Variants in TRAPPC9 observed in about 807,000 individuals in gnomAD.
TRAPPC9 encodes IKK2 binding protein.
In TRAPPC9, 83 loss-of-function variants were observed where a neutral mutation model predicts 124.0. The observed-to-expected ratio is 0.67, with a 90% CI of 0.56 to 0.80. The LOEUF (loss-of-function observed/expected upper bound fraction) is 0.80, where lower values mean the gene tolerates loss of function less well. Among genes scored for constraint, TRAPPC9 ranks in the 30% least tolerant of loss-of-function variants. The pLI, the probability that TRAPPC9 is intolerant of heterozygous loss-of-function variation, is 0.00. For missense variants in TRAPPC9, 1,302 were observed against 1,508.3 expected, an observed-to-expected ratio of 0.86 and a Z score of 2.27; for synonymous variants, 638 against 617.5, an observed-to-expected ratio of 1.03 and a Z score of -0.49.
At chr8:140,058,290 C>T (rs1842403887) in intron 17 of TRAPPC9, among the ~76,000 whole-genome samples, 1 of 152,094 alleles carries the variant, frequency 6.6e-6, no homozygotes, top group African/African-American at 2.4e-5. Context: ...ACAACTAGTT[C>T]CAAAATGCCC....
chr8:140,256,822 G>A (rs2064275328), intron 15 of TRAPPC9, among the ~76,000 whole-genome samples: 1 of 152,038 alleles, frequency 6.6e-6, no homozygotes, highest in South Asian at 2.1e-4. Flanking sequence ...TACTTTCTAG[G>A]GCTGCTGTGA....
At chr8:140,439,792 A>T (rs2070942855) in intron 2 of TRAPPC9, among the ~76,000 whole-genome samples, 1 of 152,182 alleles carries the variant, frequency 6.6e-6, no homozygotes, top group South Asian at 2.1e-4. Context: ...AAGAAACTGT[A>T]CCAAAGTATT....
At chr8:140,151,144 C>T (rs1473531054) in intron 17 of TRAPPC9, among the ~76,000 whole-genome samples, 1 of 152,136 alleles carries the variant, frequency 6.6e-6, no homozygotes, top group Non-Finnish European at 1.5e-5. Flanking sequence ...GTATCTGACA[C>T]CCCTACTTCT....
chr8:140,428,016 C>T (rs1028817833), intron 4 of TRAPPC9, among the ~76,000 whole-genome samples: 1 of 152,168 alleles, frequency 6.6e-6, no homozygotes, highest in Non-Finnish European at 1.5e-5. Context: ...GGAAGCCCCA[C>T]CGCCACACAC....
chr8:140,025,016 G>A (rs942267360), intron 17 of TRAPPC9, among the ~76,000 whole-genome samples: 3 of 152,174 alleles, frequency 2.0e-5, no homozygotes, highest in African/African-American at 7.2e-5. Flanking sequence ...TCCTGCTGGG[G>A]CCCAGCGGTA....
chr8:139,865,450 G>T (rs1041701010), intron 21 of TRAPPC9, among the ~76,000 whole-genome samples: 1 of 152,210 alleles, frequency 6.6e-6, no homozygotes, highest in African/African-American at 2.4e-5. Context: ...CATAGAGGGG[G>T]TGAAACAGAC....
intron 17 of TRAPPC9, among the ~76,000 whole-genome samples, chr8:140,061,735 C>T (rs116915897): frequency 0.023 from 3,438 of 152,276 alleles, 54 homozygotes; most frequent in South Asian, 0.04. Flanking sequence ...GAAGCCTGGA[C>T]GGAAGGGGGA....
At chr8:140,295,683 C>T (rs187591205) in intron 11 of TRAPPC9, among the ~76,000 whole-genome samples, 107 of 152,306 alleles carry the variant, frequency 7.0e-4, no homozygotes, top group African/African-American at 2.5e-3. Flanking sequence ...AAACACTACC[C>T]TCAAGAGTTT....
At chr8:140,249,123 G>C (rs1054438842) in intron 16 of TRAPPC9, among the ~76,000 whole-genome samples, 1 of 152,094 alleles carries the variant, frequency 6.6e-6, no homozygotes, top group Non-Finnish European at 1.5e-5. Flanking sequence ...GAGTGATTCT[G>C]TCATCCGGAC....
chr8:140,242,584 C>A (rs951365940), intron 16 of TRAPPC9, among the ~76,000 whole-genome samples: 2 of 152,130 alleles, frequency 1.3e-5, no homozygotes, highest in African/African-American at 4.8e-5. Flanking sequence ...GTTTTCGGGG[C>A]TGCCAGGTGA....
At chr8:140,270,938 G>A (rs2064859080) in intron 15 of TRAPPC9, among the ~76,000 whole-genome samples, 1 of 152,246 alleles carries the variant, frequency 6.6e-6, no homozygotes, top group Non-Finnish European at 1.5e-5. Flanking sequence ...GAAGACAGAA[G>A]CAGGTGAAGA....
intron 21 of TRAPPC9, among the ~76,000 whole-genome samples, chr8:139,797,659 G>A (rs1393996612): frequency 6.6e-6 from 1 of 152,190 alleles, no homozygotes; most frequent in Admixed American, 6.5e-5. Context: ...TCTCCTAAGA[G>A]TTTTATAGTT....
chr8:140,163,367 C>T (rs2061782208), intron 17 of TRAPPC9, among the ~76,000 whole-genome samples: 1 of 152,200 alleles, frequency 6.6e-6, no homozygotes, highest in Non-Finnish European at 1.5e-5. Context: ...CAGTCCTGGG[C>T]CTAGTCAGCA....
At chr8:139,795,159 C>T (rs1464432763) in intron 21 of TRAPPC9, among the ~76,000 whole-genome samples, 1 of 152,228 alleles carries the variant, frequency 6.6e-6, no homozygotes, top group Non-Finnish European at 1.5e-5. Context: ...CCCAGGTCCC[C>T]CATGGGCCCT....
At chr8:139,957,865 C>T (rs1835104131) in intron 19 of TRAPPC9, among the ~76,000 whole-genome samples, 1 of 152,202 alleles carries the variant, frequency 6.6e-6, no homozygotes, top group African/African-American at 2.4e-5. Context: ...TCCTCTTCGT[C>T]TTCTCCAAAG....
chr8:140,274,761 T>G (rs1381168239), intron 15 of TRAPPC9, among the ~76,000 whole-genome samples: 2 of 152,172 alleles, frequency 1.3e-5, no homozygotes, highest in Non-Finnish European at 2.9e-5. Flanking sequence ...CATTATAATG[T>G]CATTAGCATG....
intron 17 of TRAPPC9, among the ~76,000 whole-genome samples, chr8:140,069,402 G>A (rs1406144105): frequency 6.6e-6 from 1 of 152,110 alleles, no homozygotes; most frequent in Non-Finnish European, 1.5e-5. Context: ...GTGGAATTTG[G>A]TGGGCATGGG....
At chr8:140,062,622 A>G (rs1842687839) in intron 17 of TRAPPC9, among the ~76,000 whole-genome samples, 1 of 151,746 alleles carries the variant, frequency 6.6e-6, no homozygotes, top group Admixed American at 6.6e-5. Flanking sequence ...TCCAGCCTTC[A>G]CAGCACCTGC....
chr8:139,899,510 A>T (rs896923987), intron 20 of TRAPPC9, among the ~76,000 whole-genome samples: 1 of 152,154 alleles, frequency 6.6e-6, no homozygotes, highest in Non-Finnish European at 1.5e-5. Context: ...AAGAGGAGGC[A>T]CTGGTCTTGC....
Sources: allele counts gnomAD v4.1 joint callset (sites outside exome capture counted in the v4.1 genomes callset), GRCh38; gene constraint gnomAD v4.1.1; transcripts MANE v1.5; gene names NCBI Gene and HGNC (gene_info 2026-07-23, HGNC 2026-07-21).